Variants in INSC observed in about 807,000 individuals in gnomAD.
The protein encoded by INSC is INSC spindle orientation adaptor protein.
A neutral mutation model predicts 58.6 loss-of-function variants in INSC; 67 were observed. The ratio of observed to expected loss-of-function variants is 1.14; its 90% CI spans 0.94 to 1.40. The LOEUF (loss-of-function observed/expected upper bound fraction) is 1.40, where lower values mean the gene tolerates loss of function less well. Among genes scored for constraint, INSC ranks in the 40% most tolerant of loss-of-function variants. The pLI, the probability that INSC is intolerant of heterozygous loss-of-function variation, is 0.00. For missense variants in INSC, 714 were observed against 692.0 expected (o/e 1.03, Z -0.36); for synonymous variants, 262 against 276.1 (o/e 0.95, Z 0.51).
At chr11:15,249,787 C>G (rs1852631256), downstream of INSC, among the ~76,000 whole-genome samples, 1 of 152,156 alleles carries the variant, frequency 6.6e-6, no homozygotes. Context: ...TAACTTTCAC[C>G]CTGCTGACTC....
At chr11:15,249,265 G>A (rs1301513360), downstream of INSC, among the ~76,000 whole-genome samples, 1 of 152,212 alleles carries the variant, frequency 6.6e-6, no homozygotes, top group African/African-American at 2.4e-5. Context: ...ATAGGCACAG[G>A]TAGAAAAGTC....
chr11:15,194,735 G>T (rs1350451986), intron 6 of INSC, among the ~76,000 whole-genome samples: 2 of 152,162 alleles, frequency 1.3e-5, no homozygotes, highest in African/African-American at 4.8e-5. Flanking sequence ...AGCTTATTCA[G>T]GATCATGCAG....
At position 15,225,840 on chromosome 11, in the gene INSC, A is replaced by G; in HGVS notation, c.1170+12A>G. 6.2e-7 allele frequency: 1 copy of G among 1,609,004 alleles called. No individual in the cohort carries two copies. Among genetic ancestry groups the G allele is most frequent in the Non-Finnish European group, 8.5e-7 (1 of 1,177,646 alleles). ...ACACTCGGGACCAGGTAAGACGCCC[A>G]GAAGGCACTGAGCACAGGGCCCATA... On this transcript the variant is annotated intron_variant, in intron 9 of 12. Transcript: ENST00000379556.
Position 15,176,015 on chromosome 11 carries a change from A to G in INSC, c.331A>G (p.Thr111Ala). 1 of 1,588,582 alleles carries G rather than the reference A, an allele frequency of 6.3e-7. No homozygotes were observed. Among genetic ancestry groups the G allele is most frequent in the South Asian group, 1.1e-5 (1 of 88,382 alleles). The change falls in exon 3 of 13, where the codon ACC (threonine) becomes GCC (alanine). Residue 111 changes from threonine (T) to alanine (A), a missense_variant. Thr to Ala is a moderately conservative substitution (Grantham distance 58, BLOSUM62 0). Coordinates refer to ENST00000379556, the MANE Select transcript of INSC (RefSeq NM_001042536.3). ...ARVHSMSVRL[T>A]CHARSMVSEY... Reference sequence around the variant, plus strand: ...GGTGCACAGCATGAGCGTGCGTCTGACCTGCCATGCCCGCTCCATGGTCAG... The same window carrying G: ...GGTGCACAGCATGAGCGTGCGTCTGGCCTGCCATGCCCGCTCCATGGTCAG...
chr11:15,168,574 G>C (rs752583393), intron 2 of INSC, among the ~76,000 whole-genome samples: 1 of 152,134 alleles, frequency 6.6e-6, no homozygotes, highest in Non-Finnish European at 1.5e-5. Context: ...ACATTTTTGA[G>C]TGTCCCCTTT....
intron 1 of INSC, among the ~76,000 whole-genome samples, chr11:15,131,224 T>C (rs1484278246): frequency 6.6e-6 from 1 of 152,144 alleles, no homozygotes; most frequent in East Asian, 1.9e-4. Flanking sequence ...TTTTAATATG[T>C]CTATTTTCAT....
At chr11:15,183,059 G>GT (rs1159521808) in intron 5 of INSC, among the ~76,000 whole-genome samples, 2 of 152,050 alleles carry the variant, frequency 1.3e-5, no homozygotes, top group African/African-American at 4.8e-5. Flanking sequence ...TAGAAATTGT[G>GT]TATTTTGGCT....
intron 6 of INSC, among the ~76,000 whole-genome samples, chr11:15,197,827 C>A (rs2133875779): frequency 6.6e-6 from 1 of 152,332 alleles, no homozygotes; most frequent in Non-Finnish European, 1.5e-5. Context: ...CCACACACCC[C>A]ACAAGTGATC....
intron 5 of INSC, among the ~76,000 whole-genome samples, chr11:15,181,938 G>A (rs1189291117): frequency 6.6e-6 from 1 of 152,062 alleles, no homozygotes; most frequent in Non-Finnish European, 1.5e-5. Flanking sequence ...CAAATTCTCA[G>A]GTTAGTACAA....
chr11:15,147,768 C>T lies in INSC; in HGVS notation c.-45-1362C>T, dbSNP rs552246029. 5.3e-5 allele frequency among the ~76,000 whole-genome samples: 8 copies of T among 152,310 alleles called. No individual in the cohort carries two copies. The South Asian group carries it at 1.5e-3, about 28-fold the overall frequency. On this transcript the variant is annotated intron_variant, in intron 1 of 12. Transcript: ENST00000379556. ...GAATTATCTAGCACCCTAGTTTATT[C>T]TGGGCTCCTGCCTCCCCACACTTTT...
At chr11:15,261,316 T>C in the INSC span, among the ~76,000 whole-genome samples, 1 of 152,186 alleles carries the variant, frequency 6.6e-6, no homozygotes, top group South Asian at 2.1e-4. Context: ...CTAGCTGCTG[T>C]TATATTTTGG....
At chr11:15,238,326 T>C (rs1248203451) in intron 10 of INSC, among the ~76,000 whole-genome samples, 1 of 152,186 alleles carries the variant, frequency 6.6e-6, no homozygotes, top group Admixed American at 6.5e-5. Context: ...AAACATTTGA[T>C]CTAGTCAATA....
chr11:15,209,322 A>T (rs1373270706), intron 7 of INSC, among the ~76,000 whole-genome samples: 1 of 152,194 alleles, frequency 6.6e-6, no homozygotes, highest in East Asian at 1.9e-4. Context: ...GCAGGTTGTG[A>T]AGATGATACA....
intron 7 of INSC, among the ~76,000 whole-genome samples, chr11:15,212,124 T>A (rs993552471): frequency 9.9e-5 from 15 of 152,146 alleles, no homozygotes; most frequent in Non-Finnish European, 2.2e-4. Flanking sequence ...TTTTTGGAGA[T>A]GGAGTCTCAC....
chr11:15,233,067 C>T (rs1409798097), intron 9 of INSC, among the ~76,000 whole-genome samples: 1 of 152,152 alleles, frequency 6.6e-6, no homozygotes, highest in Non-Finnish European at 1.5e-5. Context: ...GGTTAGGTAA[C>T]ATGGCCAAGA....
At position 15,190,767 on chromosome 11, in the gene INSC, T is replaced by C. The variant is rs1181995831; in HGVS notation, c.646T>C (p.Phe216Leu). ...CACAGAGTCCACCACAGGGAACCTGTTCAGCCTGACCCAGGAGGGGGCTCC... is the reference window on the plus strand; with the variant it reads ...CACAGAGTCCACCACAGGGAACCTGCTCAGCCTGACCCAGGAGGGGGCTCC... ...YTTESTTGNLFSLTQEGAPLC... is the reference protein window; with the variant it reads ...YTTESTTGNLLSLTQEGAPLC... Residue 216 changes from phenylalanine to leucine, a missense_variant, in exon 6 of 13, where the codon TTC becomes CTC. By Grantham distance (22) the Phe-to-Leu change is conservative. Transcript: ENST00000379556. The C allele has an allele frequency of 6.2e-7, 1 of 1,613,928 alleles. No individual in the cohort carries two copies. The highest frequency in any genetic ancestry group is 2.2e-5 in the East Asian group (1 of 44,872).
At chr11:15,148,602 G>A (rs926092143) in intron 1 of INSC, among the ~76,000 whole-genome samples, 1 of 150,474 alleles carries the variant, frequency 6.6e-6, no homozygotes, top group Non-Finnish European at 1.5e-5. Flanking sequence ...ATCATCTGAA[G>A]TGGAATGGAT....
At chr11:15,117,006 G>T (rs914976386) in intron 1 of INSC, among the ~76,000 whole-genome samples, 4 of 147,828 alleles carry the variant, frequency 2.7e-5, no homozygotes, top group African/African-American at 1.0e-4. Context: ...GCAGTGGCAT[G>T]ATCTCAGCTC....
intron 7 of INSC, among the ~76,000 whole-genome samples, chr11:15,207,284 T>TCCTTTTATTCTCACTCCTC (rs1231935644): frequency 6.6e-6 from 1 of 152,192 alleles, no homozygotes; most frequent in East Asian, 1.9e-4. Context: ...TCAAAAAGCA[T>TCCTTTTATTCTCACTCCTC]CCTTTTATTC....
Sources: allele counts gnomAD v4.1 joint callset (sites outside exome capture counted in the v4.1 genomes callset), GRCh38; gene constraint gnomAD v4.1.1; transcripts MANE v1.5; gene names NCBI Gene and HGNC (gene_info 2026-07-23, HGNC 2026-07-21).